The following CDH13 variants were observed in gnomAD, a reference collection of about 807,000 sequenced individuals.
CDH13 encodes cadherin-13.
Under a neutral mutation model 63.8 loss-of-function variants are expected in CDH13, and 24 were observed. That is an observed-to-expected ratio of 0.38 (90% CI 0.27 to 0.53). The LOEUF is 0.53. Among genes scored for constraint, CDH13 ranks in the 20% least tolerant of loss-of-function variants. The probability of loss-of-function intolerance (pLI) is 0.85; values close to 1 mark genes in which losing one functional copy is unlikely to be tolerated. For synonymous variants in CDH13, 503 were observed against 355.3 expected, an observed-to-expected ratio of 1.42 and a Z score of -4.67; for missense variants, 1,049 against 903.1, an observed-to-expected ratio of 1.16 and a Z score of -2.07.
chr16:82,726,034 C>G (rs1464691545), intron 1 of CDH13, among the ~76,000 whole-genome samples: 1 of 152,104 alleles, frequency 6.6e-6, no homozygotes, highest in Non-Finnish European at 1.5e-5. Flanking sequence ...TGAGAGGGAG[C>G]TCAGCTGCTT....
intron 1 of CDH13, among the ~76,000 whole-genome samples, chr16:82,781,772 G>A (rs1237851782): frequency 6.6e-6 from 1 of 152,138 alleles, no homozygotes; most frequent in African/African-American, 2.4e-5. Flanking sequence ...TGGCAAAACT[G>A]TAAGCATTGG....
At chr16:83,710,571 G>A (rs1907880407) in intron 10 of CDH13, 1 of 151,148 alleles carries the variant, frequency 6.6e-6, no homozygotes, top group Non-Finnish European at 1.5e-5. Context: ...AAAGAGTGTT[G>A]CGGGGAGCTG....
rs1206675732 is a variant in CDH13, at chr16:82,809,887, A to T, written c.46-48475A>T. ...ACAATTTACAGCCTTCTCAAGATAC[A>T]TATAAGGTGCCTGTTAAGAAAAAAA... On this transcript the variant is annotated intron_variant, in intron 1 of 13. Transcript: ENST00000567109. 2.0e-5 allele frequency among the ~76,000 whole-genome samples: 3 copies of T among 152,110 alleles called. No individual in the cohort carries two copies. In the East Asian group the frequency reaches 5.8e-4, roughly 29 times the overall value.
intron 3 of CDH13, among the ~76,000 whole-genome samples, chr16:83,076,835 G>A (rs187433031): frequency 1.0e-3 from 159 of 152,136 alleles, no homozygotes; most frequent in Admixed American, 9.9e-3. Context: ...AAGCTTATGC[G>A]TCATGTTTAC....
At position 83,001,717 on chromosome 16, in the gene CDH13, G is replaced by A. The variant is rs573486686; in HGVS notation, c.158-30293G>A. ...GACCATTTACACCTACGGATGATTG[G>A]CTGTGACCCAGAGGACATTTGATGT... On this transcript the variant is annotated intron_variant, in intron 2 of 13. Transcript: ENST00000567109. 3.3e-5 allele frequency among the ~76,000 whole-genome samples: 5 copies of A among 152,320 alleles called. No homozygotes were observed. The East Asian group carries it at 7.7e-4, about 24-fold the overall frequency.
At chr16:83,004,679 A>G (rs1310954453) in intron 2 of CDH13, among the ~76,000 whole-genome samples, 1 of 152,036 alleles carries the variant, frequency 6.6e-6, no homozygotes, top group Non-Finnish European at 1.5e-5. Flanking sequence ...TTGTCTCTTT[A>G]GTAGAGTTTG....
In CDH13 at chr16:83,285,422, T is replaced by C. The variant is rs536166756; in HGVS notation, c.637-59440T>C. On this transcript the variant is annotated intron_variant, in intron 5 of 13. Coordinates refer to ENST00000567109, the MANE Select transcript of CDH13 (RefSeq NM_001257.5). ...GCTGAGCTGACTGCCTGCAGTTGATTTGGGGATGGGGTCTACTTTAGGGTT... is the reference window on the plus strand; with the variant it reads ...GCTGAGCTGACTGCCTGCAGTTGATCTGGGGATGGGGTCTACTTTAGGGTT... Among the ~76,000 whole-genome samples, 10 of 152,180 alleles carry C rather than the reference T, an allele frequency of 6.6e-5. No homozygotes were observed. In the South Asian group the frequency reaches 2.1e-3, roughly 32 times the overall value.
At chr16:82,705,999 C>G (rs1332298405) in intron 1 of CDH13, among the ~76,000 whole-genome samples, 1 of 152,056 alleles carries the variant, frequency 6.6e-6, no homozygotes, top group Non-Finnish European at 1.5e-5. Flanking sequence ...TACCCTTCCC[C>G]CTCCTGTCCT....
At chr16:83,464,470 C>G (rs549578834) in intron 6 of CDH13, among the ~76,000 whole-genome samples, 7 of 152,340 alleles carry the variant, frequency 4.6e-5, no homozygotes, top group African/African-American at 1.4e-4. Context: ...CAAGATCGTG[C>G]CATTGCACTC....
At chr16:83,566,706 A>T (rs551208065) in intron 7 of CDH13, among the ~76,000 whole-genome samples, 71 of 152,260 alleles carry the variant, frequency 4.7e-4, no homozygotes, top group African/African-American at 1.6e-3. Context: ...AGCTCACTTT[A>T]TGACAGCACT....
intron 5 of CDH13, among the ~76,000 whole-genome samples, chr16:83,307,671 T>C (rs2089910358): frequency 6.6e-6 from 1 of 152,174 alleles, no homozygotes; most frequent in African/African-American, 2.4e-5. Context: ...GATTTAGCTA[T>C]GTTAATAATA....
chr16:82,663,558 A>G (rs1387420301), intron 1 of CDH13, among the ~76,000 whole-genome samples: 1 of 152,158 alleles, frequency 6.6e-6, no homozygotes, highest in African/African-American at 2.4e-5. Flanking sequence ...CCCTAGCCAG[A>G]TCCCATTTGT....
intron 5 of CDH13, among the ~76,000 whole-genome samples, chr16:83,221,694 G>A (rs1012034319): frequency 9.2e-5 from 14 of 152,006 alleles, no homozygotes; most frequent in African/African-American, 2.9e-4. Flanking sequence ...TGCAGGAGGT[G>A]CAGGGCAAAA....
chr16:83,170,319 C>T (rs1248523548), intron 4 of CDH13, among the ~76,000 whole-genome samples: 1 of 152,074 alleles, frequency 6.6e-6, no homozygotes, highest in Non-Finnish European at 1.5e-5. Context: ...TTTCTCAAAG[C>T]TACTGTCACA....
intron 8 of CDH13, 57 bp from the exon 9 acceptor site, chr16:83,670,733 T>C: frequency 6.8e-7 from 1 of 1,472,082 alleles, no homozygotes; most frequent in Non-Finnish European, 9.5e-7. Flanking sequence ...GCAAAGCATG[T>C]AGTAAATGAC....
At chr16:83,622,512 C>G (rs1160335849) in intron 8 of CDH13, among the ~76,000 whole-genome samples, 2 of 152,180 alleles carry the variant, frequency 1.3e-5, no homozygotes, top group Admixed American at 6.5e-5. Context: ...ATGTGCGTAT[C>G]TACTTTAAAA....
At chr16:83,179,925 A>C (rs558002614) in intron 4 of CDH13, among the ~76,000 whole-genome samples, 61 of 152,178 alleles carry the variant, frequency 4.0e-4, no homozygotes, top group African/African-American at 1.4e-3. Context: ...GCTTATGAAC[A>C]GGAAACGATG....
intron 11 of CDH13, among the ~76,000 whole-genome samples, chr16:83,773,611 A>T (rs141328868): frequency 0.015 from 2,211 of 152,290 alleles, 22 homozygotes; most frequent in Non-Finnish European, 0.02. Context: ...TTACAATTGG[A>T]GATGAGATTT....
At chr16:82,764,617 C>T (rs1406269092) in intron 1 of CDH13, among the ~76,000 whole-genome samples, 1 of 152,124 alleles carries the variant, frequency 6.6e-6, no homozygotes, top group African/African-American at 2.4e-5. Context: ...AGGCATGATG[C>T]CTGGCCCACA....
Sources: gnomAD v4.1 joint callset for allele counts (sites outside exome capture counted in the v4.1 genomes callset) on GRCh38, gnomAD v4.1.1 for gene constraint, MANE v1.5 for transcripts, NCBI Gene and HGNC (gene_info 2026-07-23, HGNC 2026-07-21) for gene names.